The following RFX2 variants were observed in gnomAD, a reference collection of about 807,000 sequenced individuals.
RFX2 encodes DNA-binding protein RFX2.
A neutral mutation model predicts 87.8 loss-of-function variants in RFX2; 20 were observed. The observed-to-expected ratio is 0.23, with a 90% CI of 0.16 to 0.33. RFX2 has a LOEUF of 0.33. RFX2 is among the 10% of genes least tolerant of loss of function. RFX2 has a pLI of 1.00. For missense variants in RFX2, 767 were observed against 1,012.3 expected (o/e 0.76, Z 3.29); for synonymous variants, 397 against 431.3 (o/e 0.92, Z 0.98).
chr19:6,040,089 T>C lies in RFX2; in HGVS notation c.413A>G (p.Asp138Gly), dbSNP rs1276663997. 1 of 1,612,094 alleles carries C rather than the reference T, an allele frequency of 6.2e-7. No homozygotes were observed. The highest frequency in any genetic ancestry group is 1.1e-5 in the South Asian group (1 of 91,060). Residue 138 changes from aspartate to glycine, a missense_variant, in exon 5 of 18, where the codon GAT becomes GGT. Asp to Gly is a moderately conservative substitution (Grantham distance 94). Around this residue, in one of 2 missense-constraint regions of RFX2, gnomAD observed 621 missense variants for 873.0 expected, o/e 0.71. Transcript: ENST00000303657. The surrounding 1 kb of genome is among the most constrained non-coding windows in gnomAD (Gnocchi z 6.1). Reference sequence around the variant, plus strand: ...GGAGACGATGGGGCTCCCCCCGACATCCATGGTGATGCCCACCATGCTGTG... The same window carrying C: ...GGAGACGATGGGGCTCCCCCCGACACCCATGGTGATGCCCACCATGCTGTG... Reference protein sequence around the residue: ...PSHSMVGITMDVGGSPIVSSA... With the variant: ...PSHSMVGITMGVGGSPIVSSA...
At chr19:6,048,237 A>G (rs78584255) in intron 1 of RFX2, among the ~76,000 whole-genome samples, 3,465 of 152,352 alleles carry the variant, frequency 0.023, 134 homozygotes, top group African/African-American at 0.079. Flanking sequence ...GGCAGTAAGT[A>G]AAAACTGCCT....
At chr19:6,053,758 C>A (rs978817685) in intron 1 of RFX2, among the ~76,000 whole-genome samples, 1 of 152,024 alleles carries the variant, frequency 6.6e-6, no homozygotes, top group Non-Finnish European at 1.5e-5. Flanking sequence ...GAGTTTGAGA[C>A]CAGCCTGGCC....
At position 6,010,008 on chromosome 19, in the gene RFX2, G is replaced by A. The variant is rs891938232; in HGVS notation, c.1015+128C>T. 5 of 522,808 alleles carry A rather than the reference G, an allele frequency of 9.6e-6. No individual in the cohort carries two copies. Among genetic ancestry groups the A allele is most frequent in the Middle Eastern group, 4.3e-4 (1 of 2,304 alleles). 32.4% of individuals were successfully genotyped at this position (522,808 alleles called of 1,614,324 possible). A position where few individuals can be genotyped will look rare whatever the true frequency, so the allele number is the denominator to read the frequency against. On this transcript the variant is annotated intron_variant, in intron 9 of 17. Coordinates refer to ENST00000303657, the MANE Select transcript of RFX2 (RefSeq NM_000635.4). The surrounding 1 kb of genome is among the most constrained non-coding windows in gnomAD (Gnocchi z 5.0). ...TTTATCGAAAACTTTCTATTTGTCC[G>A]AAAAGGTGTCTCGTAAGAAAACTGT... is the stretch of plus-strand genomic sequence containing the variant.
At chr19:6,102,164 GAAC>G (rs2144908242) in intron 1 of RFX2, among the ~76,000 whole-genome samples, 1 of 152,278 alleles carries the variant, frequency 6.6e-6, no homozygotes, top group South Asian at 2.1e-4. Flanking sequence ...GCTGCCTGCA[GAAC>G]ACTATTCTCA....
rs933109843 is a variant in RFX2 at position 6,045,305 on chromosome 19, G to A, written c.91-1023C>T. Among the ~76,000 whole-genome samples the A allele has an allele frequency of 6.6e-6, 1 of 152,218 alleles. No individual in the cohort carries two copies. Among genetic ancestry groups the A allele is most frequent in the Non-Finnish European group, 1.5e-5 (1 of 68,040 alleles). On this transcript the variant is annotated intron_variant, in intron 2 of 17. Coordinates refer to ENST00000303657, the MANE Select transcript of RFX2 (RefSeq NM_000635.4). This position sits in a 1 kb window ranked among gnomAD's most constrained non-coding sequence, Gnocchi z 5.2. The stretch of plus-strand genomic sequence containing the variant: ...GGCAAGTCCTCAGAGAGGGACCACA[G>A]TGATGAAACCTGGGACACACATGGT...
Position 5,997,062 on chromosome 19 carries a change from C to A in RFX2, c.2011G>T (p.Glu671Ter). ...GTCCCACCCAGGAGGGTCCTCACCTCTCCCATCACAGCGATCGGCGTCTCT... is the reference window on the plus strand; with the variant it reads ...GTCCCACCCAGGAGGGTCCTCACCTATCCCATCACAGCGATCGGCGTCTCT... ...TGETPIAVMG[E>*]FNDLASLSLT... Residue 671 changes from glutamate (E) to a stop codon, truncating the protein, a stop_gained and splice_region_variant, in exon 16 of 18, where the codon GAG becomes TAG. Transcript: ENST00000303657. LOFTEE classifies it high-confidence loss of function. The surrounding 1 kb of genome is among the most constrained non-coding windows in gnomAD (Gnocchi z 4.2). 1 of 1,609,848 alleles carries A rather than the reference C, an allele frequency of 6.2e-7. No individual in the cohort carries two copies. Among genetic ancestry groups the A allele is most frequent in the Non-Finnish European group, 8.5e-7 (1 of 1,179,328 alleles).
In RFX2 at chr19:6,002,015, G is replaced by T; in HGVS notation, c.1659C>A (p.Ala553=). 1.2e-6 allele frequency: 2 copies of T among 1,607,516 alleles called. No individual in the cohort carries two copies. Among genetic ancestry groups the T allele is most frequent in the East Asian group, 2.2e-5 (1 of 44,810 alleles). ...RVDFANVQEQ[A]SWVCQCEESV... The stretch of plus-strand genomic sequence containing the variant: ...TCTCCTCGCACTGGCACACCCACGA[G>T]GCCTGCTCCTGTGGGCAGGGCAGAG... The change falls in exon 15 of 18, where the codon GCC becomes GCA. Residue 553 remains alanine, a synonymous_variant. Transcript: ENST00000303657. This position sits in a 1 kb window ranked among gnomAD's most constrained non-coding sequence, Gnocchi z 6.7.
Position 6,047,352 on chromosome 19 carries a change from T to A in RFX2, c.90+55A>T. On this transcript the variant is annotated intron_variant, in intron 2 of 17. Transcript: ENST00000303657. The surrounding 1 kb of genome is among the most constrained non-coding windows in gnomAD (Gnocchi z 4.2). Reference sequence around the variant, plus strand: ...CAGATCTGAGCAGCTTTCAAACCCATAGAGATCGCGTCCACACTGTGGCCA... The same window carrying A: ...CAGATCTGAGCAGCTTTCAAACCCAAAGAGATCGCGTCCACACTGTGGCCA... The A allele has an allele frequency of 2.1e-6, 3 of 1,400,850 alleles. No individual in the cohort carries two copies. Among genetic ancestry groups the A allele is most frequent in the Non-Finnish European group, 3.0e-6 (3 of 1,016,158 alleles). The allele number at this position is 1,400,850 out of a possible 1,614,324, so 86.8% of individuals were successfully genotyped here.
At chr19:6,031,141 T>C (rs2086947991) in intron 5 of RFX2, among the ~76,000 whole-genome samples, 1 of 152,216 alleles carries the variant, frequency 6.6e-6, no homozygotes, top group Non-Finnish European at 1.5e-5. Flanking sequence ...TGGAAACATG[T>C]CTGCCAAATA....
At chr19:6,087,666 G>T (rs933966925) in intron 1 of RFX2, among the ~76,000 whole-genome samples, 1 of 152,050 alleles carries the variant, frequency 6.6e-6, no homozygotes, top group Non-Finnish European at 1.5e-5. Flanking sequence ...TCCTAGCAAT[G>T]CCTTCACTCT....
intron 1 of RFX2, among the ~76,000 whole-genome samples, chr19:6,054,159 G>C (rs2087300658): frequency 6.6e-6 from 1 of 151,796 alleles, no homozygotes; most frequent in Admixed American, 6.6e-5. Flanking sequence ...CATATAAAAT[G>C]AACACTTTTT....
rs1381347979 is a variant in RFX2 at position 6,022,874 on chromosome 19, CT to C, written c.597+3288del. On this transcript the variant is annotated intron_variant, in intron 6 of 17. Coordinates refer to ENST00000303657, the MANE Select transcript of RFX2 (RefSeq NM_000635.4). This position sits in a 1 kb window ranked among gnomAD's most constrained non-coding sequence, Gnocchi z 6.2. ...GTTGACCGGCTGGGTCTGGACAATG[CT>C]GTCTCGTTTTACCAGGCTCCCAGCA... is the stretch of plus-strand genomic sequence containing the variant. Among the ~76,000 whole-genome samples the C allele has an allele frequency of 1.3e-5, 2 of 152,182 alleles. No individual in the cohort carries two copies. Among genetic ancestry groups the C allele is most frequent in the African/African-American group, 4.8e-5 (2 of 41,432 alleles).
intron 1 of RFX2, among the ~76,000 whole-genome samples, chr19:6,081,814 G>A (rs756637421): frequency 1.6e-4 from 25 of 152,142 alleles, no homozygotes; most frequent in Non-Finnish European, 3.7e-4. Context: ...TTGGCCGGGC[G>A]CGTTGGCTCA....
In RFX2 at chr19:6,022,493, A is replaced by C. The variant is rs987431135; in HGVS notation, c.597+3670T>G. ...ACCTCATGGTGACAGAGACTCGGTGAACCTGCTACGGGGTCCCGGTCGGCT... is the reference window on the plus strand; with the variant it reads ...ACCTCATGGTGACAGAGACTCGGTGCACCTGCTACGGGGTCCCGGTCGGCT... On this transcript the variant is annotated intron_variant, in intron 6 of 17. Transcript: ENST00000303657. This position sits in a 1 kb window ranked among gnomAD's most constrained non-coding sequence, Gnocchi z 6.2. Among the ~76,000 whole-genome samples, 1 of 152,230 alleles carries C rather than the reference A, an allele frequency of 6.6e-6. No individual in the cohort carries two copies. Among genetic ancestry groups the C allele is most frequent in the Non-Finnish European group, 1.5e-5 (1 of 68,036 alleles).
At position 6,061,609 on chromosome 19, in the gene RFX2, G is replaced by C. The variant is rs953781305; in HGVS notation, c.-8-14105C>G. Reference sequence around the variant, plus strand: ...GGCCCCGCCTCTGGATCTTACTGGGGAGTCGGCTGCAGCCGGGGGAAAAAG... The same window carrying C: ...GGCCCCGCCTCTGGATCTTACTGGGCAGTCGGCTGCAGCCGGGGGAAAAAG... On this transcript the variant is annotated intron_variant, in intron 1 of 17. Transcript: ENST00000303657. This position sits in a 1 kb window ranked among gnomAD's most constrained non-coding sequence, Gnocchi z 5.2. Among the ~76,000 whole-genome samples the C allele has an allele frequency of 6.6e-6, 1 of 152,236 alleles. No individual in the cohort carries two copies. Among genetic ancestry groups the C allele is most frequent in the African/African-American group, 2.4e-5 (1 of 41,460 alleles).
chr19:6,039,764 T>C lies in RFX2; in HGVS notation c.522+216A>G, dbSNP rs891151582. Among the ~76,000 whole-genome samples the C allele has an allele frequency of 6.6e-6, 1 of 152,244 alleles. No individual in the cohort carries two copies. The highest frequency in any genetic ancestry group is 2.4e-5 in the African/African-American group (1 of 41,460). ...GACGCATGGCTTGTCCTCCTCTTTA[T>C]ACCAATGGCCAACTGAAGTTCAAAG... On this transcript the variant is annotated intron_variant, in intron 5 of 17. Transcript: ENST00000303657. The surrounding 1 kb of genome is among the most constrained non-coding windows in gnomAD (Gnocchi z 5.2).
chr19:6,087,980 A>G (rs1312462834), intron 1 of RFX2, among the ~76,000 whole-genome samples: 1 of 152,112 alleles, frequency 6.6e-6, no homozygotes, highest in Non-Finnish European at 1.5e-5. Flanking sequence ...GGCTGCCATA[A>G]GCTGCACACC....
At chr19:6,094,504 C>T (rs781417011) in intron 1 of RFX2, among the ~76,000 whole-genome samples, 16 of 152,156 alleles carry the variant, frequency 1.1e-4, no homozygotes, top group Admixed American at 6.5e-4. Context: ...TATGTTTTCA[C>T]GGCTATGAAG....
intron 1 of RFX2, chr19:6,078,227 C>G (rs546701207): frequency 1.3e-5 from 2 of 150,624 alleles, no homozygotes; most frequent in Admixed American, 1.3e-4. Flanking sequence ...GTTTCTTCTT[C>G]TTTTCGGAGT....
Sources: allele counts gnomAD v4.1 joint callset (sites outside exome capture counted in the v4.1 genomes callset), GRCh38; gene constraint gnomAD v4.1.1; regional missense constraint gnomAD v4.1.1; non-coding constraint Gnocchi (gnomAD v3.1); transcripts MANE v1.5; gene names NCBI Gene and HGNC (gene_info 2026-07-23, HGNC 2026-07-21).